The following DLG1 variants were observed in gnomAD, a reference collection of about 807,000 sequenced individuals.
DLG1 encodes the protein disks large homolog 1.
Under a neutral mutation model 123.4 loss-of-function variants are expected in DLG1, and 42 were observed. That is an observed-to-expected ratio of 0.34 (90% confidence interval 0.27 to 0.44). The LOEUF (loss-of-function observed/expected upper bound fraction) is 0.44, where lower values mean the gene tolerates loss of function less well. Ranked by LOEUF, DLG1 falls within the 20% of genes least tolerant of loss-of-function variation. DLG1 has a pLI of 1.00. For missense variants in DLG1, 942 were observed against 1,082.6 expected, an observed-to-expected ratio of 0.87 and a Z score of 1.82; for synonymous variants, 317 against 356.2, an observed-to-expected ratio of 0.89 and a Z score of 1.24.
intron 11 of DLG1, among the ~76,000 whole-genome samples, chr3:197,124,168 C>T (rs1242201807): frequency 6.6e-6 from 1 of 152,216 alleles, no homozygotes; most frequent in Non-Finnish European, 1.5e-5. Context: ...GAATTCAAGG[C>T]TACAAGGAAC....
intron 10 of DLG1, 92 bp downstream of exon 10, chr3:197,136,450 A>G (rs1362401380): frequency 2.0e-6 from 2 of 1,011,212 alleles, no homozygotes; most frequent in East Asian, 5.0e-5. Flanking sequence ...AACATCATTT[A>G]GACCTTTTTG....
At chr3:197,049,676 C>T (rs1209278686) in intron 24 of DLG1, among the ~76,000 whole-genome samples, 6 of 132,274 alleles carry the variant, frequency 4.5e-5, no homozygotes, top group Non-Finnish European at 1.7e-5. Context: ...CGCTTGAACC[C>T]GGGAGGTTGT....
intron 5 of DLG1, among the ~76,000 whole-genome samples, chr3:197,152,888 C>A (rs1197020687): frequency 1.3e-5 from 2 of 151,868 alleles, no homozygotes; most frequent in African/African-American, 4.8e-5. Context: ...ACTGAAGCAG[C>A]CTTACAAAGT....
chr3:197,297,859 A>C (rs919909686), intron 1 of DLG1: 4 of 985,126 alleles, frequency 4.1e-6, no homozygotes, highest in Admixed American at 6.2e-5. Context: ...GACTCGGAGC[A>C]GCTCCCCAGC....
chr3:197,093,170 TG>T (rs202017392), intron 14 of DLG1, among the ~76,000 whole-genome samples: 19 of 151,054 alleles, frequency 1.3e-4, no homozygotes, highest in African/African-American at 1.7e-4. Flanking sequence ...CTTTTCTTTT[TG>T]TTTTTTCAGA....
rs778267862 is a variant in DLG1 at position 197,076,586 on chromosome 3, G to A, written c.2005C>T (p.Gln669Ter). Reference sequence around the variant, plus strand: ...TTGACCACTGGATCCACATACTTACGGTCAGCATCACTTGTTTCCTGCTCA... The same window carrying A: ...TTGACCACTGGATCCACATACTTACAGTCAGCATCACTTGTTTCCTGCTCA... ...QSEQETSDAD[Q>*]HVTSNASDSE... is the part of the protein sequence containing the mutation. The change falls in exon 18 of 25, where the codon CAG becomes TAG. Residue 669 changes from glutamine to a stop codon, truncating the protein, a stop_gained and splice_region_variant. Coordinates refer to ENST00000667157, the MANE Select transcript of DLG1 (RefSeq NM_001366207.1). LOFTEE classifies it high-confidence loss of function. 4 of 1,607,222 alleles carry A rather than the reference G, an allele frequency of 2.5e-6. No individual in the cohort carries two copies. The highest frequency in any genetic ancestry group is 2.2e-5 in the East Asian group (1 of 44,558).
At chr3:197,116,348 A>G (rs1317191344) in intron 12 of DLG1, among the ~76,000 whole-genome samples, 1 of 152,200 alleles carries the variant, frequency 6.6e-6, no homozygotes, top group Non-Finnish European at 1.5e-5. Flanking sequence ...TGGAAATTTA[A>G]AAGTATTATA....
In DLG1 at chr3:197,266,247, G is replaced by GA. The variant is rs538872939; in HGVS notation, c.318+16431dup. 2.6e-3 allele frequency among the ~76,000 whole-genome samples: 397 copies of GA among 151,564 alleles called. 1 individual carries two copies. Among genetic ancestry groups the GA allele is most frequent in the Middle Eastern group, 0.021 (6 of 292 alleles). On this transcript the variant is annotated intron_variant, in intron 4 of 24. Coordinates refer to ENST00000667157, the MANE Select transcript of DLG1 (RefSeq NM_001366207.1). The stretch of plus-strand genomic sequence containing the variant: ...GCAAGGAAACACGATCCAGAGAAGA[G>GA]AAAAAAAATCAATCAATAAAAACTG...
intron 5 of DLG1, among the ~76,000 whole-genome samples, chr3:197,190,514 G>C (rs566297316): frequency 6.6e-6 from 1 of 152,172 alleles, no homozygotes; most frequent in Non-Finnish European, 1.5e-5. Context: ...AAGTGGAGCA[G>C]TGCAGTTCCA....
chr3:197,074,048 A>G (rs1336938250), intron 18 of DLG1, among the ~76,000 whole-genome samples: 2 of 152,146 alleles, frequency 1.3e-5, no homozygotes, highest in African/African-American at 4.8e-5. Flanking sequence ...CCTTGAACAC[A>G]TCCTTCTTCC....
At chr3:197,285,714 A>C (rs555359620) in intron 3 of DLG1, among the ~76,000 whole-genome samples, 2 of 152,338 alleles carry the variant, frequency 1.3e-5, no homozygotes, top group East Asian at 3.9e-4. Flanking sequence ...AAAATGGCTA[A>C]AATCCAAAGC....
At chr3:197,094,076 T>C (rs1004665302) in intron 14 of DLG1, among the ~76,000 whole-genome samples, 3 of 152,142 alleles carry the variant, frequency 2.0e-5, no homozygotes, top group East Asian at 1.9e-4. Context: ...AGAGGTCACA[T>C]GATGGTGCTC....
chr3:197,049,880 T>C (rs1033355191), intron 24 of DLG1, among the ~76,000 whole-genome samples: 2 of 151,782 alleles, frequency 1.3e-5, no homozygotes, highest in Non-Finnish European at 2.9e-5. Flanking sequence ...CTAGGCAACA[T>C]AGCGAGACCC....
chr3:197,060,712 T>C (rs1735180815), intron 22 of DLG1, among the ~76,000 whole-genome samples: 2 of 152,212 alleles, frequency 1.3e-5, no homozygotes, highest in Non-Finnish European at 2.9e-5. Context: ...AAAGGATACT[T>C]AGGTTTTTAA....
chr3:197,241,891 T>A (rs1476719708), intron 4 of DLG1, among the ~76,000 whole-genome samples: 1 of 151,942 alleles, frequency 6.6e-6, no homozygotes, highest in Non-Finnish European at 1.5e-5. Context: ...AGAGAAAATC[T>A]CTTAACCACA....
At chr3:197,272,534 G>A (rs1579118846) in intron 4 of DLG1, among the ~76,000 whole-genome samples, 1 of 152,216 alleles carries the variant, frequency 6.6e-6, no homozygotes, top group South Asian at 2.1e-4. Flanking sequence ...AAAGTTATCT[G>A]TTGTTACAGC....
At chr3:197,068,411 T>A in intron 19 of DLG1, 1 of 843,000 alleles carries the variant, frequency 1.2e-6, no homozygotes. Flanking sequence ...GTAACTATTG[T>A]GTAGAAAAAT....
In DLG1 at chr3:197,067,551, G is replaced by GTTTTT. The variant is rs199907948; in HGVS notation, c.2048-802_2048-798dup. Among the ~76,000 whole-genome samples the GTTTTT allele has an allele frequency of 7.0e-3, 755 of 107,318 alleles. 21 individuals carry two copies. Among genetic ancestry groups the GTTTTT allele is most frequent in the African/African-American group, 0.011 (279 of 25,260 alleles). 70.4% of individuals were successfully genotyped at this position (107,318 alleles called of 152,430 possible). A position where few individuals can be genotyped will look rare whatever the true frequency, so the allele number is the denominator to read the frequency against. On this transcript the variant is annotated intron_variant, in intron 19 of 24. Coordinates refer to ENST00000667157, the MANE Select transcript of DLG1 (RefSeq NM_001366207.1). The stretch of plus-strand genomic sequence containing the variant: ...AAATAAATAGTTAAAAACTCTGAGA[G>GTTTTT]TTTTTTTTTTTTTTTTTTTTTTTGA...
chr3:197,235,488 C>T (rs1745490716), intron 4 of DLG1, among the ~76,000 whole-genome samples: 1 of 152,190 alleles, frequency 6.6e-6, no homozygotes, highest in South Asian at 2.1e-4. Context: ...CAAACTTATA[C>T]AGAGCAGAGG....
Sources: allele counts gnomAD v4.1 joint callset (sites outside exome capture counted in the v4.1 genomes callset), GRCh38; gene constraint gnomAD v4.1.1; transcripts MANE v1.5; gene names NCBI Gene and HGNC (gene_info 2026-07-23, HGNC 2026-07-21).